The following PUM2 variants were observed in gnomAD, a reference collection of about 807,000 sequenced individuals.
PUM2 encodes the protein pumilio RNA binding family member 2.
A neutral mutation model predicts 124.5 loss-of-function variants in PUM2; 57 were observed. The ratio of observed to expected loss-of-function variants is 0.46; its 90% CI spans 0.37 to 0.57. The LOEUF (loss-of-function observed/expected upper bound fraction) is 0.57. Among genes scored for constraint, PUM2 ranks in the 20% least tolerant of loss-of-function variants. PUM2 has a pLI of 0.00. For synonymous variants in PUM2, 460 were observed against 446.1 expected (o/e 1.03, Z -0.39); for missense variants, 1,065 against 1,290.6 (o/e 0.83, Z 2.68).
chr2:20,289,509 G>A (rs1018688995), intron 10 of PUM2, among the ~76,000 whole-genome samples: 1 of 152,130 alleles, frequency 6.6e-6, no homozygotes, highest in Non-Finnish European at 1.5e-5. Flanking sequence ...CTCCATGACA[G>A]TAGAGTCCAG....
Position 20,278,659 on chromosome 2 carries a change from T to C in PUM2, c.1881A>G (p.Pro627=). ...SSPSPIGMPL[P]SQTPGHSLTP... ...TAAGTGAATGTCCTGGAGTTTGGCTTGGCAGAGGCATGCCTATTGGACTTG... is the reference window on the plus strand; with the variant it reads ...TAAGTGAATGTCCTGGAGTTTGGCTCGGCAGAGGCATGCCTATTGGACTTG... Residue 627 remains proline (P), a synonymous_variant, in exon 13 of 21, where the codon CCA becomes CCG. Transcript: ENST00000361078. 12 of 1,613,608 alleles carry C rather than the reference T, an allele frequency of 7.4e-6. No homozygotes were observed. Among genetic ancestry groups the C allele is most frequent in the Non-Finnish European group, 1.0e-5 (12 of 1,179,702 alleles).
At chr2:20,279,073 C>T (rs969240736) in intron 12 of PUM2, among the ~76,000 whole-genome samples, 1 of 152,098 alleles carries the variant, frequency 6.6e-6, no homozygotes, top group Non-Finnish European at 1.5e-5. Context: ...TTACCACTGA[C>T]ACATCTGATT....
intron 5 of PUM2, among the ~76,000 whole-genome samples, chr2:20,310,233 A>C (rs1679307520): frequency 6.6e-6 from 1 of 152,106 alleles, no homozygotes; most frequent in African/African-American, 2.4e-5. Flanking sequence ...TAAAATAATT[A>C]GTAATTTAAA....
At chr2:20,265,776 C>T (rs1413748775) in intron 13 of PUM2, among the ~76,000 whole-genome samples, 1 of 152,194 alleles carries the variant, frequency 6.6e-6, no homozygotes, top group Non-Finnish European at 1.5e-5. Context: ...TAATCCAAAC[C>T]TATTTTTCAC....
At chr2:20,301,840 C>A (rs369690310) in intron 7 of PUM2, among the ~76,000 whole-genome samples, 7 of 152,290 alleles carry the variant, frequency 4.6e-5, no homozygotes, top group African/African-American at 1.7e-4. Context: ...GACCTCCCCA[C>A]AATGCTGGGA....
At chr2:20,315,836 C>CAAAAAAAAAAAAAAAAAAAAAAAAAACAA (rs60828412) in intron 3 of PUM2, among the ~76,000 whole-genome samples, 1 of 72,352 alleles carries the variant, frequency 1.4e-5, no homozygotes. Flanking sequence ...AACCTGGTCT[C>CAAAAAAAAAAAAAAAAAAAAAAAAAACAA]AAAAAAAAAA....
chr2:20,326,437 C>A, intron 2 of PUM2: 1 of 1,301,352 alleles, frequency 7.7e-7, no homozygotes, highest in Admixed American at 2.3e-5. Context: ...CTCTATTCTA[C>A]CAAGGTAAAA....
At chr2:20,256,850 C>T (rs148345574) in intron 16 of PUM2, among the ~76,000 whole-genome samples, 15 of 151,894 alleles carry the variant, frequency 9.9e-5, no homozygotes, top group African/African-American at 3.4e-4. Flanking sequence ...GTTTTGAGAC[C>T]AGCCCGGGCG....
intron 17 of PUM2, 70 bp from the exon 18 acceptor site, chr2:20,255,411 G>GT: frequency 8.8e-5 from 121 of 1,369,594 alleles, no homozygotes; most frequent in Admixed American, 2.5e-4. Flanking sequence ...AAGCAGACTG[G>GT]TTTGTTTTTT....
At chr2:20,330,232 T>C (rs1175005087) in intron 1 of PUM2, among the ~76,000 whole-genome samples, 1 of 152,184 alleles carries the variant, frequency 6.6e-6, no homozygotes, top group African/African-American at 2.4e-5. Context: ...GCGGAAAATA[T>C]CACCTTAGAA....
At chr2:20,270,551 AAC>A (rs542665864) in intron 13 of PUM2, among the ~76,000 whole-genome samples, 4 of 151,556 alleles carry the variant, frequency 2.6e-5, no homozygotes, top group African/African-American at 4.8e-5. Context: ...AAAACAAATA[AAC>A]ACACACACAC....
At chr2:20,351,122 T>C (rs991998790), upstream of PUM2, among the ~76,000 whole-genome samples, 1 of 152,150 alleles carries the variant, frequency 6.6e-6, no homozygotes, top group East Asian at 1.9e-4. Flanking sequence ...TGCCAAACGC[T>C]GTGTTCGACT....
intron 9 of PUM2, among the ~76,000 whole-genome samples, chr2:20,293,745 A>T (rs968493572): frequency 6.6e-6 from 1 of 152,060 alleles, no homozygotes; most frequent in Admixed American, 6.5e-5. Flanking sequence ...AATATATTAA[A>T]GGAAATTCAG....
chr2:20,266,142 T>C (rs541827930), intron 13 of PUM2, among the ~76,000 whole-genome samples: 1 of 152,250 alleles, frequency 6.6e-6, no homozygotes, highest in South Asian at 2.1e-4. Context: ...TCTTCTCATA[T>C]ATGAAATTTA....
chr2:20,296,986 C>A (rs769793555), intron 8 of PUM2, among the ~76,000 whole-genome samples: 32 of 152,162 alleles, frequency 2.1e-4, no homozygotes, highest in Non-Finnish European at 3.8e-4. Context: ...TGAGCCACTG[C>A]ACCTGGCCAG....
intron 1 of PUM2, among the ~76,000 whole-genome samples, chr2:20,334,285 A>G (rs918243086): frequency 1.3e-5 from 2 of 152,142 alleles, no homozygotes; most frequent in Admixed American, 1.3e-4. Flanking sequence ...TGCACTCCAG[A>G]TTGGGTGACA....
intron 7 of PUM2, among the ~76,000 whole-genome samples, chr2:20,305,491 C>T (rs1175277247): frequency 2.0e-5 from 2 of 102,056 alleles, no homozygotes; most frequent in African/African-American, 3.5e-5. Context: ...AAAAAAAAGA[C>T]GTATCTAAAA....
intron 14 of PUM2, among the ~76,000 whole-genome samples, chr2:20,261,394 CAA>C (rs200294801): frequency 1.4e-4 from 11 of 76,772 alleles, no homozygotes; most frequent in South Asian, 7.6e-4. Context: ...ACTCTGTCTC[CAA>C]AAAAAAAAAA....
intron 1 of PUM2, among the ~76,000 whole-genome samples, chr2:20,336,605 C>A (rs1033830538): frequency 3.9e-5 from 6 of 151,910 alleles, no homozygotes; most frequent in African/African-American, 9.7e-5. Context: ...CAGCCTTGAC[C>A]TCCCAGGCTC....
Sources: allele counts gnomAD v4.1 joint callset (sites outside exome capture counted in the v4.1 genomes callset), GRCh38; gene constraint gnomAD v4.1.1; transcripts MANE v1.5; gene names NCBI Gene and HGNC (gene_info 2026-07-23, HGNC 2026-07-21).